Variants in ZBTB10 observed in about 807,000 individuals in gnomAD.
The protein encoded by ZBTB10 is zinc finger and BTB domain containing 10, also known as zinc finger and BTB domain-containing protein 10.
ZBTB10 carries 32 observed loss-of-function variants against 76.4 expected under a neutral mutation model. The ratio of observed to expected loss-of-function variants is 0.42; its 90% CI spans 0.32 to 0.56. The LOEUF (loss-of-function observed/expected upper bound fraction) is 0.56. Among genes scored for constraint, ZBTB10 ranks in the 20% least tolerant of loss-of-function variants. The pLI, the probability that ZBTB10 is intolerant of heterozygous loss-of-function variation, is 0.14. For synonymous variants in ZBTB10, 523 were observed against 432.9 expected (o/e 1.21, Z -2.58); for missense variants, 1,057 against 1,098.5 (o/e 0.96, Z 0.53).
chr8:80,500,084 T>C lies in ZBTB10; in HGVS notation c.1563T>C (p.Cys521=). ...ASNVKIENDG[C]NVDEGQIENY... is the part of the protein sequence containing the mutation. ...ATGTAAAGATTGAAAATGATGGTTG[T>C]AATGTCGACGAGGGCCAAATAGAAA... is the stretch of plus-strand genomic sequence containing the variant. Residue 521 remains cysteine (C), a synonymous_variant, in exon 2 of 6, where the codon TGT becomes TGC. Transcript: ENST00000455036. 6.2e-7 allele frequency: 1 copy of C among 1,613,976 alleles called. No individual in the cohort carries two copies. Among genetic ancestry groups the C allele is most frequent in the South Asian group, 1.1e-5 (1 of 91,074 alleles).
chr8:80,486,624 C>G lies in ZBTB10; in HGVS notation c.-187C>G, dbSNP rs1450028257. 4.1e-6 allele frequency: 4 copies of G among 986,164 alleles called. No homozygotes were observed. Among genetic ancestry groups the G allele is most frequent in the Non-Finnish European group, 3.6e-6 (3 of 831,648 alleles). 61.1% of individuals were successfully genotyped at this position (986,164 alleles called of 1,614,324 possible). ...GCCCGGCAGCGGCAGCGGCAGCGGA[C>G]GCGTGCAGCAGACCCGGGAGCGAGC... On this transcript the variant is annotated 5_prime_UTR_variant, in exon 1 of 6. Transcript: ENST00000455036.
intron 2 of ZBTB10, among the ~76,000 whole-genome samples, chr8:80,504,786 G>C (rs962042031): frequency 1.3e-5 from 2 of 152,210 alleles, no homozygotes; most frequent in Admixed American, 1.3e-4. Context: ...TTGTCTTGCT[G>C]ATTTGCAACC....
rs1340721527 is a variant in ZBTB10 at position 80,523,898 on chromosome 8, C to A, written c.*4370C>A. The stretch of plus-strand genomic sequence containing the variant: ...GTTTGTAAAAGCTCTTTGGGAAGAT[C>A]TTTTACGAAGACCAACTTTTTAAAA... On this transcript the variant is annotated 3_prime_UTR_variant, in exon 6 of 6. Transcript: ENST00000455036. 2 of 151,962 alleles carry A rather than the reference C, an allele frequency of 1.3e-5. No homozygotes were observed. The highest frequency in any genetic ancestry group is 2.9e-5 in the Non-Finnish European group (2 of 67,902). 9.4% of individuals were successfully genotyped at this position (151,962 alleles called of 1,614,324 possible). A position where few individuals can be genotyped will look rare whatever the true frequency, so the allele number is the denominator to read the frequency against.
In ZBTB10 at chr8:80,522,341, A is replaced by G. The variant is rs1338200554; in HGVS notation, c.*2813A>G. On this transcript the variant is annotated 3_prime_UTR_variant, in exon 6 of 6. Transcript: ENST00000455036. ...TTGGCGAAGTTGTCTCTTGTAATTT[A>G]TATTTTAAATGAAAAAGTATTTTAG... 6.6e-6 allele frequency: 1 copy of G among 151,940 alleles called. No individual in the cohort carries two copies. The highest frequency in any genetic ancestry group is 1.5e-5 in the Non-Finnish European group (1 of 67,852). 9.4% of individuals were successfully genotyped at this position (151,940 alleles called of 1,614,324 possible).
At chr8:80,504,975 G>A (rs145055376) in intron 2 of ZBTB10, among the ~76,000 whole-genome samples, 3 of 152,166 alleles carry the variant, frequency 2.0e-5, no homozygotes, top group Non-Finnish European at 4.4e-5. Context: ...TTTATTTTGC[G>A]GGCTCATGGA....
chr8:80,497,158 A>T (rs185393690), intron 1 of ZBTB10, among the ~76,000 whole-genome samples: 48 of 152,302 alleles, frequency 3.2e-4, no homozygotes, highest in African/African-American at 1.1e-3. Context: ...ACATTTTCAC[A>T]CAAGTCCTAA....
At chr8:80,516,011 A>T (rs1358483721) in intron 3 of ZBTB10, among the ~76,000 whole-genome samples, 1 of 152,240 alleles carries the variant, frequency 6.6e-6, no homozygotes, top group Non-Finnish European at 1.5e-5. Context: ...TTTGTATTCC[A>T]GATAGAGTAT....
intron 1 of ZBTB10, among the ~76,000 whole-genome samples, chr8:80,493,207 G>GCGCGCGCGCGCGCGCACA (rs375071529): frequency 1.6e-4 from 20 of 125,236 alleles, no homozygotes; most frequent in South Asian, 2.9e-4. Context: ...GCGCGCGCGC[G>GCGCGCGCGCGCGCGCACA]CACACACACA....
At chr8:80,490,983 C>A (rs1273695717) in intron 1 of ZBTB10, among the ~76,000 whole-genome samples, 1 of 152,152 alleles carries the variant, frequency 6.6e-6, no homozygotes, top group Admixed American at 6.5e-5. Context: ...GTGGGTGAAT[C>A]ACTTGAGGTC....
intron 2 of ZBTB10, 113 bp from the exon 3 acceptor site, chr8:80,513,797 C>T: frequency 1.3e-6 from 1 of 796,488 alleles, no homozygotes; most frequent in Admixed American, 2.1e-5. Flanking sequence ...GTAGATAATT[C>T]ATTACTTACA....
At chr8:80,504,273 T>C (rs1251972248) in intron 2 of ZBTB10, among the ~76,000 whole-genome samples, 1 of 152,230 alleles carries the variant, frequency 6.6e-6, no homozygotes, top group Non-Finnish European at 1.5e-5. Flanking sequence ...ATAGCAAACA[T>C]CTGAAAAGTC....
Position 80,519,432 on chromosome 8 carries a change from A to G in ZBTB10, c.2520A>G (p.Gly840=). 6.2e-7 allele frequency: 1 copy of G among 1,612,766 alleles called. No individual in the cohort carries two copies. Among genetic ancestry groups the G allele is most frequent in the Non-Finnish European group, 8.5e-7 (1 of 1,179,424 alleles). ...RDEEYEENEV[G]EADEELVDDG... is the part of the protein sequence containing the mutation. ...AAGAATACGAGGAGAATGAAGTAGG[A>G]GAAGCTGATGAAGAGCTAGTTGATG... The change falls in exon 6 of 6, where the codon GGA becomes GGG. Residue 840 remains glycine (G), a synonymous_variant. Coordinates refer to ENST00000455036, the MANE Select transcript of ZBTB10 (RefSeq NM_001105539.3).
Position 80,487,769 on chromosome 8 carries a change from A to G in ZBTB10, c.959A>G (p.Glu320Gly). ...HHVSTEHKLH[E>G]ANAQESEIPS... Reference sequence around the variant, plus strand: ...GTCTCTACCGAGCACAAACTCCACGAAGCCAACGCCCAGGTACAGTATATC... The same window carrying G: ...GTCTCTACCGAGCACAAACTCCACGGAGCCAACGCCCAGGTACAGTATATC... The change falls in exon 1 of 6, where the codon GAA becomes GGA. Residue 320 changes from glutamate (E) to glycine (G), a missense_variant. Transcript: ENST00000455036. 1 of 1,598,056 alleles carries G rather than the reference A, an allele frequency of 6.3e-7. No homozygotes were observed. The highest frequency in any genetic ancestry group is 8.5e-7 in the Non-Finnish European group (1 of 1,172,468).
At chr8:80,491,463 CTAAG>C (rs757816091) in intron 1 of ZBTB10, among the ~76,000 whole-genome samples, 3 of 152,164 alleles carry the variant, frequency 2.0e-5, no homozygotes, top group Admixed American at 6.5e-5. Flanking sequence ...TTACTTTCCT[CTAAG>C]TAAGAAAAGT....
intron 1 of ZBTB10, among the ~76,000 whole-genome samples, chr8:80,495,043 G>A (rs908708789): frequency 1.3e-4 from 20 of 151,452 alleles, no homozygotes; most frequent in African/African-American, 3.4e-4. Context: ...TTGCTATTTC[G>A]ATTATATCAC....
chr8:80,519,791 A>C lies in ZBTB10; in HGVS notation c.*263A>C, dbSNP rs1301347336. 3.0e-6 allele frequency: 1 copy of C among 330,580 alleles called. No individual in the cohort carries two copies. Among genetic ancestry groups the C allele is most frequent in the Non-Finnish European group, 5.6e-6 (1 of 179,202 alleles). The allele number at this position is 330,580 out of a possible 1,614,324, so 20.5% of individuals were successfully genotyped here. A position where few individuals can be genotyped will look rare whatever the true frequency, so the allele number is the denominator to read the frequency against. On this transcript the variant is annotated 3_prime_UTR_variant, in exon 6 of 6. Transcript: ENST00000455036. ...TATCAAAGTAAAATATTTTTTATTT[A>C]TAGGATATACAGTAACTATTTGGGT...
rs1479214167 is a variant in ZBTB10 at position 80,522,934 on chromosome 8, T to A, written c.*3406T>A. The stretch of plus-strand genomic sequence containing the variant: ...AAATAGGTTTAAAAATCTTAATTTT[T>A]AAAACTTTAGTAAGCTTTATTTATA... On this transcript the variant is annotated 3_prime_UTR_variant, in exon 6 of 6. Coordinates refer to ENST00000455036, the MANE Select transcript of ZBTB10 (RefSeq NM_001105539.3). 2.6e-5 allele frequency: 4 copies of A among 151,940 alleles called. No individual in the cohort carries two copies. Among genetic ancestry groups the A allele is most frequent in the African/African-American group, 9.7e-5 (4 of 41,442 alleles). 9.4% of individuals were successfully genotyped at this position (151,940 alleles called of 1,614,324 possible). A position where few individuals can be genotyped will look rare whatever the true frequency, so the allele number is the denominator to read the frequency against.
chr8:80,509,503 G>A (rs1188558530), intron 2 of ZBTB10, among the ~76,000 whole-genome samples: 26 of 152,122 alleles, frequency 1.7e-4, no homozygotes, highest in Non-Finnish European at 1.8e-4. Flanking sequence ...GTTTAATTTA[G>A]CATTCACAGG....
Position 80,519,662 on chromosome 8 carries a change from T to C in ZBTB10, c.*134T>C. 4 of 1,118,180 alleles carry C rather than the reference T, an allele frequency of 3.6e-6. No individual in the cohort carries two copies. The highest frequency in any genetic ancestry group is 4.9e-6 in the Non-Finnish European group (4 of 808,596). The allele number at this position is 1,118,180 out of a possible 1,614,324, so 69.3% of individuals were successfully genotyped here. On this transcript the variant is annotated 3_prime_UTR_variant, in exon 6 of 6. Transcript: ENST00000455036. ...TTATGTTGCTGTGAAAACTGTAGGG[T>C]CAAAGCCTTATAGCAAAAAAAATTT...
Sources: gnomAD v4.1 joint callset for allele counts (sites outside exome capture counted in the v4.1 genomes callset) on GRCh38, gnomAD v4.1.1 for gene constraint, MANE v1.5 for transcripts, NCBI Gene and HGNC (gene_info 2026-07-23, HGNC 2026-07-21) for gene names.